Variants in TMEM200A observed in about 807,000 individuals in gnomAD.
TMEM200A encodes the protein two transmembrane C.
Under a neutral mutation model 24.3 loss-of-function variants are expected in TMEM200A, and 12 were observed. The observed-to-expected ratio is 0.49, with a 90% CI of 0.32 to 0.80. The LOEUF is 0.80. Among genes scored for constraint, TMEM200A ranks in the 30% least tolerant of loss-of-function variants. TMEM200A has a pLI of 0.04. For missense variants in TMEM200A, 545 were observed against 614.4 expected, an observed-to-expected ratio of 0.89 and a Z score of 1.19; for synonymous variants, 224 against 224.4, an observed-to-expected ratio of 1.00 and a Z score of 0.02.
intron 2 of TMEM200A, among the ~76,000 whole-genome samples, chr6:130,426,912 G>C (rs1353895256): frequency 6.6e-6 from 1 of 152,170 alleles, no homozygotes; most frequent in Non-Finnish European, 1.5e-5. Context: ...AGTAGATTCA[G>C]GTGTTGTCCA....
In TMEM200A at chr6:130,441,360, A is replaced by G. The variant is rs532977504; in HGVS notation, c.938A>G (p.Asp313Gly). ...ATAGATAACATCACTGAAGATGCTG[A>G]CAACCTCAAAAGTAGGTCAAGGAAT... ...PSIDNITEDA[D>G]NLKSRSRNLS... The change falls in exon 3 of 3, where the codon GAC (aspartate) becomes GGC (glycine). Residue 313 changes from aspartate (D) to glycine (G), a missense_variant. Physicochemically the swap from Asp to Gly is moderately conservative, Grantham distance 94. Transcript: ENST00000296978. The G allele has an allele frequency of 2.5e-6, 4 of 1,614,156 alleles. No homozygotes were observed. The highest frequency in any genetic ancestry group is 3.4e-6 in the Non-Finnish European group (4 of 1,180,004).
chr6:130,402,815 A>G (rs1383680102), intron 2 of TMEM200A, among the ~76,000 whole-genome samples: 3 of 152,126 alleles, frequency 2.0e-5, no homozygotes, highest in Non-Finnish European at 4.4e-5. Context: ...CCTAACCTCT[A>G]TTAGAAGTTT....
intron 2 of TMEM200A, among the ~76,000 whole-genome samples, chr6:130,401,786 TA>T (rs1301898747): frequency 6.6e-6 from 1 of 151,974 alleles, no homozygotes; most frequent in Non-Finnish European, 1.5e-5. Context: ...ATTTGATAGG[TA>T]AAAACAGTGG....
At chr6:130,421,965 A>G (rs1292242266) in intron 2 of TMEM200A, among the ~76,000 whole-genome samples, 1 of 152,126 alleles carries the variant, frequency 6.6e-6, no homozygotes, top group Non-Finnish European at 1.5e-5. Context: ...GTCACTGGAC[A>G]TTTAGGTTGA....
At chr6:130,382,048 T>C (rs1485206553) in intron 1 of TMEM200A, 5 of 857,884 alleles carry the variant, frequency 5.8e-6, no homozygotes, top group African/African-American at 1.8e-5. Flanking sequence ...TATGATTCAG[T>C]TGAGATTTTT....
At chr6:130,389,144 T>A (rs757472396) in intron 2 of TMEM200A, among the ~76,000 whole-genome samples, 21 of 152,198 alleles carry the variant, frequency 1.4e-4, no homozygotes, top group Non-Finnish European at 2.9e-4. Flanking sequence ...TTGGATAGAC[T>A]AGAAGATCTT....
At chr6:130,423,701 T>C (rs1048806692) in intron 2 of TMEM200A, among the ~76,000 whole-genome samples, 2 of 152,086 alleles carry the variant, frequency 1.3e-5, no homozygotes, top group African/African-American at 4.8e-5. Context: ...TGGAGACAGA[T>C]GATCCAATCT....
chr6:130,387,333 C>T (rs897525770), intron 2 of TMEM200A, among the ~76,000 whole-genome samples: 5 of 152,132 alleles, frequency 3.3e-5, no homozygotes, highest in African/African-American at 9.7e-5. Context: ...AGTGCAATGG[C>T]GTGATCTCGG....
intron 2 of TMEM200A, among the ~76,000 whole-genome samples, chr6:130,388,811 G>C (rs924850486): frequency 6.6e-6 from 1 of 152,100 alleles, no homozygotes; most frequent in Non-Finnish European, 1.5e-5. Context: ...TGTGGGAATT[G>C]CATCAACCAC....
rs1389051511 is a variant in TMEM200A at position 130,385,152 on chromosome 6, TA to T, written c.-80-16del. ...ATTGTCAGTTATGGAGCTCACATAA[TA>T]AAAATTCTTAATTTCTTAGCACACA... On this transcript the variant is annotated intron_variant, in intron 1 of 2. Coordinates refer to ENST00000296978, the MANE Select transcript of TMEM200A (RefSeq NM_001258277.2). The T allele has an allele frequency of 6.6e-6, 1 of 152,204 alleles. No homozygotes were observed. The highest frequency in any genetic ancestry group is 2.4e-5 in the African/African-American group (1 of 41,446). The allele number at this position is 152,204 out of a possible 1,614,324, so 9.4% of individuals were successfully genotyped here.
At chr6:130,428,454 T>TTCTC (rs1364576155) in intron 2 of TMEM200A, among the ~76,000 whole-genome samples, 3 of 152,168 alleles carry the variant, frequency 2.0e-5, no homozygotes, top group Non-Finnish European at 2.9e-5. Context: ...CTTTTGCCCT[T>TTCTC]TCTCTGCTCC....
chr6:130,432,602 T>G (rs532887694), intron 2 of TMEM200A, among the ~76,000 whole-genome samples: 20 of 152,334 alleles, frequency 1.3e-4, no homozygotes, highest in Admixed American at 6.5e-4. Context: ...ATATTTTTAA[T>G]TTGCCTAGCA....
At position 130,366,321 on chromosome 6, in the gene TMEM200A, G is replaced by A; in HGVS notation, c.-284G>A. The A allele has an allele frequency of 1.0e-6, 1 of 956,842 alleles. No individual in the cohort carries two copies. The highest frequency in any genetic ancestry group is 1.4e-4 in the East Asian group (1 of 7,344). 59.3% of individuals were successfully genotyped at this position (956,842 alleles called of 1,614,324 possible). A position where few individuals can be genotyped will look rare whatever the true frequency, so the allele number is the denominator to read the frequency against. Reference sequence around the variant, plus strand: ...ACCCGCCCCCTCGCCTGACTCATCCGCCCGCGGTGGCCGCCCGAGCCCTGG... The same window carrying A: ...ACCCGCCCCCTCGCCTGACTCATCCACCCGCGGTGGCCGCCCGAGCCCTGG... On this transcript the variant is annotated 5_prime_UTR_variant, in exon 1 of 3. Coordinates refer to ENST00000296978, the MANE Select transcript of TMEM200A (RefSeq NM_001258277.2). This position sits in a 1 kb window ranked among gnomAD's most constrained non-coding sequence, Gnocchi z 4.4.
chr6:130,412,779 C>G (rs1779361871), intron 2 of TMEM200A, among the ~76,000 whole-genome samples: 1 of 152,160 alleles, frequency 6.6e-6, no homozygotes, highest in Non-Finnish European at 1.5e-5. Context: ...TTAGGAGTTA[C>G]CTAATGGTTT....
chr6:130,422,414 G>A (rs1779618152), intron 2 of TMEM200A, among the ~76,000 whole-genome samples: 1 of 152,010 alleles, frequency 6.6e-6, no homozygotes, highest in Admixed American at 6.6e-5. Context: ...GACTAAAAAT[G>A]CATGCCACCA....
intron 2 of TMEM200A, among the ~76,000 whole-genome samples, chr6:130,385,506 G>A (rs912914396): frequency 6.6e-6 from 1 of 152,162 alleles, no homozygotes; most frequent in African/African-American, 2.4e-5. Context: ...AAAAATAATT[G>A]TATAGGTCAT....
chr6:130,381,735 A>G (rs1201590701), intron 1 of TMEM200A, among the ~76,000 whole-genome samples: 1 of 152,218 alleles, frequency 6.6e-6, no homozygotes, highest in Non-Finnish European at 1.5e-5. Context: ...TGTTGTTGAG[A>G]TGCACAAATT....
intron 2 of TMEM200A, among the ~76,000 whole-genome samples, chr6:130,387,922 G>A (rs577369268): frequency 1.6e-4 from 24 of 152,312 alleles, no homozygotes; most frequent in Non-Finnish European, 2.9e-4. Flanking sequence ...GAATACAAAA[G>A]TGTAAGGGTA....
intron 2 of TMEM200A, among the ~76,000 whole-genome samples, chr6:130,424,136 A>G (rs1394933091): frequency 6.6e-6 from 1 of 152,050 alleles, no homozygotes; most frequent in African/African-American, 2.4e-5. Flanking sequence ...AAAATGTTCA[A>G]TTATGCTTCC....
Sources: gnomAD v4.1 joint callset for allele counts (sites outside exome capture counted in the v4.1 genomes callset) on GRCh38, gnomAD v4.1.1 for gene constraint, Gnocchi (gnomAD v3.1) non-coding constraint, MANE v1.5 for transcripts, NCBI Gene and HGNC (gene_info 2026-07-23, HGNC 2026-07-21) for gene names.